ZNF718: variants seen among roughly 807,000 people sequenced by gnomAD.
ZNF718 encodes zinc finger protein 718.
In ZNF718, 3 loss-of-function variants were observed where a neutral mutation model predicts 2.6. The observed-to-expected ratio is 1.16, with a 90% CI of 0.53 to 3.01. The LOEUF (loss-of-function observed/expected upper bound fraction) is 3.01. Ranked by LOEUF, ZNF718 falls within the 30% of genes most tolerant of loss-of-function variation. ZNF718 has a pLI of 0.03. For synonymous variants in ZNF718, 135 were observed against 77.9 expected, an observed-to-expected ratio of 1.73 and a Z score of -3.86; for missense variants, 468 against 230.0, an observed-to-expected ratio of 2.03 and a Z score of -6.69.
intron 3 of ZNF718, among the ~76,000 whole-genome samples, chr4:172,829 G>A (rs1400845917): frequency 6.6e-6 from 1 of 152,062 alleles, no homozygotes; most frequent in South Asian, 2.1e-4. Flanking sequence ...GCTGAGACGG[G>A]TGGATCACAA....
rs533579819 is a variant in ZNF718 at position 195,686 on chromosome 4, G to T, written c.227-5395G>T. Among the ~76,000 whole-genome samples, 5 of 152,180 alleles carry T rather than the reference G, an allele frequency of 3.3e-5. No homozygotes were observed. In the South Asian group the frequency reaches 8.3e-4, roughly 25 times the overall value. On this transcript the variant is annotated intron_variant and NMD_transcript_variant, in intron 3 of 4. Coordinates refer to the ZNF718 transcript ENST00000642529. ...TTTACTATCTTCTGTTAGCAAAGCA[G>T]TTGCCGCTACAGATTGAATGCATTT...
downstream of ZNF718, among the ~76,000 whole-genome samples, chr4:164,669 T>G (rs1553816412): frequency 6.6e-6 from 1 of 152,174 alleles, no homozygotes; most frequent in Non-Finnish European, 1.5e-5. Flanking sequence ...ATGTGTGTGT[T>G]AAGTAACATT....
In ZNF718 at chr4:180,579, T is replaced by C. The variant is rs1167519077; in HGVS notation, c.227-20502T>C. Among the ~76,000 whole-genome samples, 8 of 152,328 alleles carry C rather than the reference T, an allele frequency of 5.3e-5. No individual in the cohort carries two copies. The East Asian group carries it at 1.3e-3, about 26-fold the overall frequency. On this transcript the variant is annotated intron_variant and NMD_transcript_variant, in intron 3 of 4. Coordinates refer to the ZNF718 transcript ENST00000642529. ...GAGAATCAAACCAGGACCTTCCAGG[T>C]ATTCATTCATTTACCAAGAAAGCAT...
intron 3 of ZNF718, among the ~76,000 whole-genome samples, chr4:156,669 G>A (rs774283114): frequency 1.3e-5 from 2 of 152,082 alleles, no homozygotes; most frequent in Non-Finnish European, 2.9e-5. Context: ...TTCTATTTCA[G>A]AATCAGACTG....
intron 3 of ZNF718, among the ~76,000 whole-genome samples, chr4:194,330 T>C (rs1717750716): frequency 6.6e-6 from 1 of 152,244 alleles, no homozygotes; most frequent in Non-Finnish European, 1.5e-5. Flanking sequence ...TTCCCTGTGT[T>C]ACAGTGGACA....
chr4:157,711 T>C (rs1716638387), intron 3 of ZNF718, among the ~76,000 whole-genome samples: 2 of 152,178 alleles, frequency 1.3e-5, no homozygotes, highest in Admixed American at 6.5e-5. Context: ...CTGTAAAATT[T>C]TAATTTAAAA....
At chr4:131,265 A>T (rs1345879464) in intron 2 of ZNF718, 145 bp from the exon 3 acceptor site, 86,652 of 221,466 alleles carry the variant, frequency 0.39, 33,537 homozygotes, top group East Asian at 0.91. Flanking sequence ...ATACTTAAAT[A>T]TTCTACAGAT....
chr4:154,806 G>A (rs150836018), intron 3 of ZNF718, among the ~76,000 whole-genome samples: 8 of 152,330 alleles, frequency 5.3e-5, no homozygotes, highest in African/African-American at 1.2e-4. Context: ...GCAGAAATTC[G>A]CATAAGTAAT....
chr4:170,123 A>G (rs1201688714), intron 3 of ZNF718, among the ~76,000 whole-genome samples: 5 of 152,164 alleles, frequency 3.3e-5, no homozygotes, highest in Admixed American at 6.6e-5. Flanking sequence ...GTTTGGCTGG[A>G]TATGAAATTC....
rs1228856650 is a variant in ZNF718, at chr4:129,979, C to T, written c.4-809C>T. Among the ~76,000 whole-genome samples the T allele has an allele frequency of 9.7e-4, 102 of 105,108 alleles. 30 individuals carry two copies. The highest frequency in any genetic ancestry group is 2.8e-3 in the African/African-American group (84 of 30,344). The allele number at this position is 105,108 out of a possible 152,430, so 69.0% of individuals were successfully genotyped here. On this transcript the variant is annotated intron_variant, in intron 1 of 3. Transcript: ENST00000510175. ...TAAAGATTGCATTGATGCATATACA[C>T]GTTTTTCAAATGCAGACTTACTCAG...
chr4:131,417 TA>T lies in ZNF718; in HGVS notation c.139del (p.Ile47SerfsTer19). 2.0e-6 allele frequency: 1 copy of T among 492,236 alleles called. No homozygotes were observed. The highest frequency in any genetic ancestry group is 3.9e-5 in the South Asian group (1 of 25,874). 30.5% of individuals were successfully genotyped at this position (492,236 alleles called of 1,614,324 possible). A position where few individuals can be genotyped will look rare whatever the true frequency, so the allele number is the denominator to read the frequency against. ...YRNLVSLGVSISNPDLVTSLE... is the reference protein window; with the variant it reads ...YRNLVSLGVSXSNPDLVTSLE... ...TTTTTTTTAATAAAACAGGTGTTAG[TA>T]TCTCTAACCCAGACCTGGTCACCAG... On this transcript the variant is annotated frameshift_variant, in exon 3 of 4. Transcript: ENST00000510175. LOFTEE classifies it high-confidence loss of function.
chr4:171,793 G>A (rs1290780792), intron 3 of ZNF718, among the ~76,000 whole-genome samples: 4 of 152,248 alleles, frequency 2.6e-5, no homozygotes, highest in South Asian at 2.1e-4. Context: ...TGTGCTTCCC[G>A]GGTGAGGCAA....
intron 3 of ZNF718, among the ~76,000 whole-genome samples, chr4:180,580 A>G (rs1471908737): frequency 6.6e-6 from 1 of 152,240 alleles, no homozygotes; most frequent in Non-Finnish European, 1.5e-5. Flanking sequence ...CCTTCCAGGT[A>G]TTCATTCATT....
At chr4:134,228 G>T (rs1207905778) in intron 3 of ZNF718, among the ~76,000 whole-genome samples, 4 of 152,058 alleles carry the variant, frequency 2.6e-5, no homozygotes, top group Non-Finnish European at 4.4e-5. Context: ...CTCACTGCAA[G>T]GTCTGCCTCC....
At chr4:195,842 C>T (rs538463234) in intron 3 of ZNF718, among the ~76,000 whole-genome samples, 4 of 152,240 alleles carry the variant, frequency 2.6e-5, no homozygotes, top group East Asian at 1.9e-4. Flanking sequence ...TATAGGGTCA[C>T]GGAGAAGACC....
chr4:199,314 C>T (rs1026893935), intron 3 of ZNF718, among the ~76,000 whole-genome samples: 3 of 152,208 alleles, frequency 2.0e-5, no homozygotes, highest in Non-Finnish European at 2.9e-5. Flanking sequence ...TCTCCCATTC[C>T]CCACCATGAC....
intron 3 of ZNF718, among the ~76,000 whole-genome samples, chr4:143,465 C>T (rs1715903148): frequency 3.3e-5 from 5 of 152,172 alleles, no homozygotes; most frequent in Admixed American, 2.0e-4. Flanking sequence ...GGATTACAGG[C>T]GTGAGCCAGT....
At chr4:175,748 AC>A in intron 3 of ZNF718, among the ~76,000 whole-genome samples, 1 of 152,160 alleles carries the variant, frequency 6.6e-6, no homozygotes, top group Middle Eastern at 3.4e-3. Flanking sequence ...CCATAAACCA[AC>A]ACCCCCTCCA....
In ZNF718 at chr4:131,491, C is replaced by T; in HGVS notation, c.212C>T (p.Ala71Val). 2.1e-6 allele frequency: 1 copy of T among 469,822 alleles called. No homozygotes were observed. 29.1% of individuals were successfully genotyped at this position (469,822 alleles called of 1,614,324 possible). A position where few individuals can be genotyped will look rare whatever the true frequency, so the allele number is the denominator to read the frequency against. Residue 71 changes from alanine to valine, a missense_variant, in exon 3 of 4, where the codon GCA becomes GTA. Ala to Val is a moderately conservative substitution (Grantham distance 64). Coordinates refer to ENST00000510175, the MANE Select transcript of ZNF718 (RefSeq NM_001039127.6). ...EPYNLKIHET[A>V]ARPPAVCSHF... ...TACAATTTGAAGATACATGAAACAGCAGCCAGACCCCCAGGTAGGTGAGAG... is the reference window on the plus strand; with the variant it reads ...TACAATTTGAAGATACATGAAACAGTAGCCAGACCCCCAGGTAGGTGAGAG...
Sources: gnomAD v4.1 joint callset for allele counts (sites outside exome capture counted in the v4.1 genomes callset) on GRCh38, gnomAD v4.1.1 for gene constraint, MANE v1.5 for transcripts, NCBI Gene and HGNC (gene_info 2026-07-23, HGNC 2026-07-21) for gene names.